The following NLGN1 variants were observed in gnomAD, a reference collection of about 807,000 sequenced individuals.
NLGN1 encodes neuroligin 1.
A neutral mutation model predicts 65.5 loss-of-function variants in NLGN1; 12 were observed. The observed-to-expected ratio is 0.18, with a 90% confidence interval of 0.12 to 0.30. NLGN1 has a LOEUF of 0.30. NLGN1 is among the 10% of genes least tolerant of loss of function. The probability of loss-of-function intolerance (pLI) is 1.00; values close to 1 mark genes in which losing one functional copy is unlikely to be tolerated. For missense variants in NLGN1, 750 were observed against 1,007.1 expected, an observed-to-expected ratio of 0.74 and a Z score of 3.46; for synonymous variants, 350 against 359.5, an observed-to-expected ratio of 0.97 and a Z score of 0.30.
intron 4 of NLGN1, among the ~76,000 whole-genome samples, chr3:174,101,425 G>GTTCAT (rs1712454153): frequency 1.3e-5 from 2 of 152,114 alleles, no homozygotes; most frequent in Non-Finnish European, 2.9e-5. Flanking sequence ...AGATGAGTTG[G>GTTCAT]CAGTTTCTGG....
chr3:173,530,383 T>C (rs1736365854), intron 2 of NLGN1, among the ~76,000 whole-genome samples: 1 of 151,384 alleles, frequency 6.6e-6, no homozygotes, highest in African/African-American at 2.4e-5. Flanking sequence ...ATGAGTTCTA[T>C]GTGTTGTCGT....
chr3:173,913,010 G>A (rs1739945101), intron 4 of NLGN1, among the ~76,000 whole-genome samples: 1 of 152,128 alleles, frequency 6.6e-6, no homozygotes, highest in Non-Finnish European at 1.5e-5. Context: ...ACCAACAACA[G>A]CGACTAGAAT....
rs1039397413 is a variant in NLGN1 at position 173,473,616 on chromosome 3, CTCTT to C, written c.-321+38544_-321+38547del. 7.9e-4 allele frequency among the ~76,000 whole-genome samples: 120 copies of C among 152,280 alleles called. 1 individual carries two copies. Among genetic ancestry groups the C allele is most frequent in the African/African-American group, 2.8e-3 (116 of 41,570 alleles). On this transcript the variant is annotated intron_variant, in intron 2 of 6. Coordinates refer to ENST00000457714, the Ensembl canonical transcript of NLGN1. ...ATGCAGCATGATCTATTTCAGAAAA[CTCTT>C]TCTTTTTTCACCTTCATTCTCCCTA...
chr3:173,672,323 G>A (rs1762554458), intron 3 of NLGN1, among the ~76,000 whole-genome samples: 1 of 152,156 alleles, frequency 6.6e-6, no homozygotes, highest in Admixed American at 6.5e-5. Context: ...AAATTTTTCA[G>A]ATGTTTTTGA....
intron 2 of NLGN1, among the ~76,000 whole-genome samples, chr3:173,551,983 T>C (rs1740945184): frequency 6.6e-6 from 1 of 152,224 alleles, no homozygotes; most frequent in South Asian, 2.1e-4. Context: ...TCAAAAGTGA[T>C]AGAAAATACT....
At chr3:173,595,575 C>G (rs144500105) in intron 2 of NLGN1, among the ~76,000 whole-genome samples, 57 of 152,262 alleles carry the variant, frequency 3.7e-4, no homozygotes, top group African/African-American at 1.4e-3. Context: ...TGCCTGTTAC[C>G]CAGTTCCAAA....
At chr3:173,694,323 G>A (rs1423417540) in intron 3 of NLGN1, among the ~76,000 whole-genome samples, 1 of 152,156 alleles carries the variant, frequency 6.6e-6, no homozygotes, top group African/African-American at 2.4e-5. Flanking sequence ...ATGTAGAGGT[G>A]CAAAACTAAC....
intron 4 of NLGN1, among the ~76,000 whole-genome samples, chr3:173,897,683 T>C (rs1736576027): frequency 6.6e-6 from 1 of 152,200 alleles, no homozygotes; most frequent in Non-Finnish European, 1.5e-5. Flanking sequence ...AAATAAGGCA[T>C]TCTTGTTCTA....
chr3:173,797,260 T>A (rs1714300379), intron 3 of NLGN1, among the ~76,000 whole-genome samples: 1 of 152,170 alleles, frequency 6.6e-6, no homozygotes, highest in Non-Finnish European at 1.5e-5. Flanking sequence ...CTGTGTTCTT[T>A]CTTCTTATAA....
At chr3:173,701,213 C>A (rs1480615405) in intron 3 of NLGN1, among the ~76,000 whole-genome samples, 2 of 152,150 alleles carry the variant, frequency 1.3e-5, no homozygotes, top group Non-Finnish European at 2.9e-5. Context: ...CCCTCACCAT[C>A]CAAAAATATC....
chr3:174,259,330 T>G (rs930998068), intron 4 of NLGN1, among the ~76,000 whole-genome samples: 3 of 152,094 alleles, frequency 2.0e-5, no homozygotes, highest in African/African-American at 7.2e-5. Flanking sequence ...TAATCCTTGC[T>G]ACCTCTTTTA....
At chr3:173,989,712 AG>A (rs1277863612) in intron 4 of NLGN1, among the ~76,000 whole-genome samples, 1 of 152,184 alleles carries the variant, frequency 6.6e-6, no homozygotes, top group Non-Finnish European at 1.5e-5. Flanking sequence ...AGGTGCATCA[AG>A]TAGCTTAATT....
At position 173,872,494 on chromosome 3, in the gene NLGN1, T is replaced by C. The variant is rs557792080; in HGVS notation, c.646+64662T>C. 5.9e-5 allele frequency among the ~76,000 whole-genome samples: 9 copies of C among 152,348 alleles called. No homozygotes were observed. In the South Asian group the frequency reaches 1.9e-3, roughly 32 times the overall value. On this transcript the variant is annotated intron_variant, in intron 4 of 6. Coordinates refer to ENST00000457714, the Ensembl canonical transcript of NLGN1. ...ATGATCTTGACAAAACAAAGTTTTG[T>C]GTTAAACAGAAAATTTATTCTTCTG...
intron 3 of NLGN1, among the ~76,000 whole-genome samples, chr3:173,795,920 A>G (rs1486350697): frequency 1.3e-5 from 2 of 152,098 alleles, no homozygotes; most frequent in Non-Finnish European, 2.9e-5. Flanking sequence ...CTGGGTCAAG[A>G]GGACAGGGGA....
At position 173,799,944 on chromosome 3, in the gene NLGN1, C is replaced by G. The variant is rs140381540; in HGVS notation, c.494-7736C>G. On this transcript the variant is annotated intron_variant, in intron 3 of 6. Coordinates refer to ENST00000457714, the Ensembl canonical transcript of NLGN1. The stretch of plus-strand genomic sequence containing the variant: ...CCACCAATTTAAATTAGAAAAGACA[C>G]TGAATAAATTAAGTTCTTTCAGCTA... 3.3e-3 allele frequency among the ~76,000 whole-genome samples: 503 copies of G among 150,582 alleles called. 3 individuals carry two copies. Among genetic ancestry groups the G allele is most frequent in the African/African-American group, 0.012 (485 of 41,132 alleles).
chr3:173,891,733 A>G (rs556279475), intron 4 of NLGN1, among the ~76,000 whole-genome samples: 7 of 152,190 alleles, frequency 4.6e-5, no homozygotes, highest in Admixed American at 3.3e-4. Context: ...CTCAAATCCA[A>G]CATAATCAGA....
At chr3:173,783,287 G>A (rs1781462226) in intron 3 of NLGN1, among the ~76,000 whole-genome samples, 1 of 152,188 alleles carries the variant, frequency 6.6e-6, no homozygotes, top group Non-Finnish European at 1.5e-5. Context: ...ATCCATAGTT[G>A]AGGCAGCAAA....
intron 3 of NLGN1, among the ~76,000 whole-genome samples, chr3:173,668,467 G>A (rs894073234): frequency 6.6e-6 from 1 of 152,032 alleles, no homozygotes; most frequent in Non-Finnish European, 1.5e-5. Context: ...ATCTGGAAGG[G>A]ATTTGGAATT....
intron 3 of NLGN1, among the ~76,000 whole-genome samples, chr3:173,720,442 A>T (rs1475914022): frequency 6.6e-6 from 1 of 152,224 alleles, no homozygotes; most frequent in Non-Finnish European, 1.5e-5. Context: ...AGTTTAACCA[A>T]TAGAACCTTA....
Sources: allele counts gnomAD v4.1 joint callset (sites outside exome capture counted in the v4.1 genomes callset), GRCh38; gene constraint gnomAD v4.1.1; transcripts MANE v1.5; gene names NCBI Gene and HGNC (gene_info 2026-07-23, HGNC 2026-07-21).